Variants in PIEZO2 observed in about 807,000 individuals in gnomAD.
PIEZO2 encodes piezo-type mechanosensitive ion channel component 2.
A neutral mutation model predicts 337.3 loss-of-function variants in PIEZO2; 172 were observed. That is an observed-to-expected ratio of 0.51 (90% CI 0.45 to 0.58). The LOEUF (loss-of-function observed/expected upper bound fraction) is 0.58, where lower values mean the gene tolerates loss of function less well. PIEZO2 is among the 20% of genes least tolerant of loss of function. The pLI, the probability that PIEZO2 is intolerant of heterozygous loss-of-function variation, is 0.00. For missense variants in PIEZO2, 3,028 were observed against 3,391.3 expected, an observed-to-expected ratio of 0.89 and a Z score of 2.66; for synonymous variants, 1,251 against 1,228.5, an observed-to-expected ratio of 1.02 and a Z score of -0.38.
intron 28 of PIEZO2, among the ~76,000 whole-genome samples, chr18:10,751,273 C>T (rs181709190): frequency 1.3e-5 from 2 of 152,242 alleles, no homozygotes; most frequent in African/African-American, 2.4e-5. Flanking sequence ...TACAGGTTTA[C>T]GGAATGAATG....
chr18:10,933,906 G>A (rs1361675178), intron 3 of PIEZO2, among the ~76,000 whole-genome samples: 2 of 152,230 alleles, frequency 1.3e-5, no homozygotes, highest in African/African-American at 4.8e-5. Flanking sequence ...CTGCTGCCAT[G>A]TAAGACGTGT....
At chr18:10,915,898 G>A (rs9951805) in intron 3 of PIEZO2, among the ~76,000 whole-genome samples, 142,431 of 151,836 alleles carry the variant, frequency 0.94, 66,912 homozygotes, top group East Asian at 1. Context: ...ACAGAGTGCT[G>A]ATTGGTGCAT....
chr18:11,034,323 T>C (rs1291472269), intron 2 of PIEZO2, among the ~76,000 whole-genome samples: 1 of 151,666 alleles, frequency 6.6e-6, no homozygotes, highest in Non-Finnish European at 1.5e-5. Flanking sequence ...TTTGGCGGCG[T>C]CTAGCTCTGT....
rs2038678534 is a variant in PIEZO2, at chr18:10,773,527, C to G, written c.2670G>C (p.Glu890Asp). 2.6e-6 allele frequency: 4 copies of G among 1,537,470 alleles called. No individual in the cohort carries two copies. Among genetic ancestry groups the G allele is most frequent in the Non-Finnish European group, 3.5e-6 (4 of 1,146,970 alleles). Reference sequence around the variant, plus strand: ...CTTTTTCAGAGTAGCCCTCAAGCTTCTCCTCCCCAGGCTCAGCCAACTTCC... The same window carrying G: ...CTTTTTCAGAGTAGCCCTCAAGCTTGTCCTCCCCAGGCTCAGCCAACTTCC... ...EVRKLAEPGE[E>D]KLEGYSEKAQ... Residue 890 changes from glutamate (E) to aspartate (D), a missense_variant, in exon 20 of 56, where the codon GAG becomes GAC. Glu to Asp is a conservative substitution (Grantham distance 45, BLOSUM62 2). Around this residue, in one of 5 missense-constraint regions of PIEZO2, gnomAD observed 1,925 missense variants for 2,051.9 expected, o/e 0.94. Transcript: ENST00000674853. The surrounding 1 kb of genome is among the most constrained non-coding windows in gnomAD (Gnocchi z 5.3).
intron 3 of PIEZO2, among the ~76,000 whole-genome samples, chr18:10,950,248 A>C (rs575415328): frequency 6.6e-6 from 1 of 152,200 alleles, no homozygotes; most frequent in African/African-American, 2.4e-5. Flanking sequence ...AGACGGGGGA[A>C]AGTCAATAGA....
chr18:10,744,486 T>C (rs563324981), intron 30 of PIEZO2, among the ~76,000 whole-genome samples: 2 of 152,176 alleles, frequency 1.3e-5, no homozygotes, highest in African/African-American at 2.4e-5. Flanking sequence ...AAAGAGAAAG[T>C]GTTTTGTATT....
intron 2 of PIEZO2, among the ~76,000 whole-genome samples, chr18:11,022,382 T>C (rs2036342836): frequency 6.6e-6 from 1 of 152,244 alleles, no homozygotes; most frequent in South Asian, 2.1e-4. Context: ...CACCCAGTTA[T>C]CAGCCTGCTG....
In PIEZO2 at chr18:10,775,132, AAG is replaced by A. The variant is rs987032576; in HGVS notation, c.2535-1096_2535-1095del. Among the ~76,000 whole-genome samples the A allele has an allele frequency of 2.0e-5, 3 of 152,222 alleles. No individual in the cohort carries two copies. The highest frequency in any genetic ancestry group is 4.4e-5 in the Non-Finnish European group (3 of 68,044). On this transcript the variant is annotated intron_variant, in intron 18 of 55. Coordinates refer to ENST00000674853, the MANE Select transcript of PIEZO2 (RefSeq NM_001378183.1). The surrounding 1 kb of genome is among the most constrained non-coding windows in gnomAD (Gnocchi z 4.3). ...CCAGAAACAGATTGTTAATTTAATG[AAG>A]AGAGAGAATCTGAAGCGAGTTTTAC...
intron 2 of PIEZO2, among the ~76,000 whole-genome samples, chr18:11,024,524 C>A (rs2036455219): frequency 8.3e-6 from 1 of 121,110 alleles, no homozygotes; most frequent in South Asian, 2.6e-4. Context: ...CCAGCCTGGG[C>A]GACAGAGCGA....
In PIEZO2 at chr18:10,969,656, C is replaced by T. The variant is rs761853958; in HGVS notation, c.286+9879G>A. Among the ~76,000 whole-genome samples, 13 of 151,950 alleles carry T rather than the reference C, an allele frequency of 8.6e-5. No homozygotes were observed. The highest frequency in any genetic ancestry group is 1.9e-4 in the East Asian group (1 of 5,188). On this transcript the variant is annotated intron_variant, in intron 3 of 55. Transcript: ENST00000674853. This position sits in a 1 kb window ranked among gnomAD's most constrained non-coding sequence, Gnocchi z 4.5. ...ATAGTTTCTAAAGAGAAATAAAACA[C>T]GTCATTCTAATATTTCTTCATGAAT...
In PIEZO2 at chr18:10,947,259, C is replaced by T. The variant is rs533107298; in HGVS notation, c.286+32276G>A. ...AAGAGAAAAAGCACTGAAAGCAGCC[C>T]GAGAGAAATGATGCATTACGTCTAA... is the stretch of plus-strand genomic sequence containing the variant. On this transcript the variant is annotated intron_variant, in intron 3 of 55. Transcript: ENST00000674853. Among the ~76,000 whole-genome samples the T allele has an allele frequency of 1.2e-4, 18 of 151,858 alleles. No homozygotes were observed. The East Asian group carries it at 3.1e-3, about 26-fold the overall frequency.
Position 10,773,597 on chromosome 18 carries a change from A to T in PIEZO2, c.2600T>A (p.Leu867His). 1 of 1,537,278 alleles carries T rather than the reference A, an allele frequency of 6.5e-7. No individual in the cohort carries two copies. Among genetic ancestry groups the T allele is most frequent in the Non-Finnish European group, 8.7e-7 (1 of 1,146,918 alleles). ...GCTGGCAGTCAGATGCATCATGGTGAGGTCCGGGAGGCTTCCTTCCGGGTG... is the reference window on the plus strand; with the variant it reads ...GCTGGCAGTCAGATGCATCATGGTGTGGTCCGGGAGGCTTCCTTCCGGGTG... ...LAHPEGSLPD[L>H]TMMHLTASLE... Residue 867 changes from leucine (L) to histidine (H), a missense_variant, in exon 20 of 56, where the codon CTC becomes CAC. Physicochemically the swap from Leu to His is moderately conservative, Grantham distance 99. Transcript: ENST00000674853. This position sits in a 1 kb window ranked among gnomAD's most constrained non-coding sequence, Gnocchi z 5.3.
chr18:10,933,574 A>C lies in PIEZO2; in HGVS notation c.287-22346T>G, dbSNP rs529372085. 6.9e-4 allele frequency among the ~76,000 whole-genome samples: 105 copies of C among 152,242 alleles called. 3 individuals are homozygous for C. In the South Asian group the frequency reaches 0.021, roughly 30 times the overall value. On this transcript the variant is annotated intron_variant, in intron 3 of 55. Transcript: ENST00000674853. ...TTTTCCATTGATTTGGGATGATGGAATTGTACCTCCTCTATATCCATCCAG... is the reference window on the plus strand; with the variant it reads ...TTTTCCATTGATTTGGGATGATGGACTTGTACCTCCTCTATATCCATCCAG...
In PIEZO2 at chr18:10,988,311, A is replaced by G. The variant is rs2034960401; in HGVS notation, c.161-8651T>C. On this transcript the variant is annotated intron_variant, in intron 2 of 55. Transcript: ENST00000674853. The surrounding 1 kb of genome is among the most constrained non-coding windows in gnomAD (Gnocchi z 4.8). ...TGATTTTGGACTTCCCACCCTCTGG[A>G]ACTATGAGTAATAAATTTCTATTCT... is the stretch of plus-strand genomic sequence containing the variant. 6.6e-6 allele frequency among the ~76,000 whole-genome samples: 1 copy of G among 152,184 alleles called. No homozygotes were observed.
intron 2 of PIEZO2, among the ~76,000 whole-genome samples, chr18:11,008,375 C>T (rs1283071323): frequency 2.0e-5 from 3 of 152,216 alleles, no homozygotes; most frequent in Non-Finnish European, 4.4e-5. Flanking sequence ...AAATCCCAAA[C>T]ATATGCCCTT....
rs2034969334 is a variant in PIEZO2 at position 10,988,545 on chromosome 18, T to TA, written c.161-8886dup. 6.6e-6 allele frequency among the ~76,000 whole-genome samples: 1 copy of TA among 152,104 alleles called. No homozygotes were observed. Among genetic ancestry groups the TA allele is most frequent in the African/African-American group, 2.4e-5 (1 of 41,406 alleles). ...AAATAGTATGGAGATTCTTAAAAAT[T>TA]AAAAATAGAACTGCTAAATAATCCC... On this transcript the variant is annotated intron_variant, in intron 2 of 55. Coordinates refer to ENST00000674853, the MANE Select transcript of PIEZO2 (RefSeq NM_001378183.1). The surrounding 1 kb of genome is among the most constrained non-coding windows in gnomAD (Gnocchi z 4.8).
chr18:10,782,964 C>A (rs1210042502), intron 17 of PIEZO2, among the ~76,000 whole-genome samples: 1 of 152,094 alleles, frequency 6.6e-6, no homozygotes, highest in Non-Finnish European at 1.5e-5. Flanking sequence ...TGTGGTCCTG[C>A]ATGTTTCTAC....
At chr18:10,867,543 T>C (rs1389884040) in intron 5 of PIEZO2, among the ~76,000 whole-genome samples, 1 of 152,212 alleles carries the variant, frequency 6.6e-6, no homozygotes, top group Non-Finnish European at 1.5e-5. Flanking sequence ...ATATTTGACT[T>C]GTCAGTCTAT....
At chr18:10,733,199 CA>C (rs1271647839) in intron 35 of PIEZO2, among the ~76,000 whole-genome samples, 1 of 152,086 alleles carries the variant, frequency 6.6e-6, no homozygotes, top group Non-Finnish European at 1.5e-5. Context: ...AAAGAAGAAG[CA>C]TGTCAGTGCT....
Sources: gnomAD v4.1 joint callset for allele counts (sites outside exome capture counted in the v4.1 genomes callset) on GRCh38, gnomAD v4.1.1 for gene constraint, gnomAD v4.1.1 regional missense constraint, Gnocchi (gnomAD v3.1) non-coding constraint, MANE v1.5 for transcripts, NCBI Gene and HGNC (gene_info 2026-07-23, HGNC 2026-07-21) for gene names.